Variants in ERICH6B observed in about 807,000 individuals in gnomAD.
ERICH6B encodes glutamate-rich protein 6B.
In ERICH6B, 69 loss-of-function variants were observed where a neutral mutation model predicts 80.0. That is an observed-to-expected ratio of 0.86 (90% CI 0.71 to 1.05). The LOEUF is 1.05. Among genes scored for constraint, ERICH6B ranks in the 50% least tolerant of loss-of-function variants. ERICH6B has a pLI of 0.00. For missense variants in ERICH6B, 754 were observed against 796.1 expected (o/e 0.95, Z 0.64); for synonymous variants, 283 against 291.9 (o/e 0.97, Z 0.31).
intron 2 of ERICH6B, among the ~76,000 whole-genome samples, chr13:45,601,278 T>C (rs546052622): frequency 6.6e-6 from 1 of 152,292 alleles, no homozygotes; most frequent in African/African-American, 2.4e-5. Context: ...CTGTGGGGCA[T>C]GGTGGTGCGC....
chr13:45,593,384 C>T (rs1876233681), intron 3 of ERICH6B, among the ~76,000 whole-genome samples: 1 of 152,106 alleles, frequency 6.6e-6, no homozygotes, highest in Admixed American at 6.6e-5. Flanking sequence ...AGGCACAAGT[C>T]AATGGCAAGG....
intron 8 of ERICH6B, among the ~76,000 whole-genome samples, chr13:45,571,452 G>T (rs890111882): frequency 1.3e-5 from 2 of 152,058 alleles, no homozygotes; most frequent in African/African-American, 4.8e-5. Context: ...CTAGGCTCAT[G>T]TGTAAACACC....
At chr13:45,599,155 G>T (rs993961145) in intron 2 of ERICH6B, among the ~76,000 whole-genome samples, 21 of 152,186 alleles carry the variant, frequency 1.4e-4, no homozygotes, top group African/African-American at 5.1e-4. Flanking sequence ...ATGTAAATCT[G>T]GGAAATAATT....
Position 45,544,248 on chromosome 13 carries a change from T to G in ERICH6B, c.1872+512A>C, listed in dbSNP as rs373721290. On this transcript the variant is annotated intron_variant, in intron 14 of 14. Coordinates refer to ENST00000298738, the MANE Select transcript of ERICH6B (RefSeq NM_182542.3). ...CCACTGGGATCAGCTAAATTTTTTG[T>G]ATTTTTAGAAGAGACGGGGTTTGAC... Among the ~76,000 whole-genome samples, 1,257 of 152,256 alleles carry G rather than the reference T, an allele frequency of 8.3e-3. 18 individuals carry two copies. The highest frequency in any genetic ancestry group is 0.028 in the African/African-American group (1,166 of 41,532).
Position 45,544,908 on chromosome 13 carries a change from T to C in ERICH6B, c.1724A>G (p.Asn575Ser), listed in dbSNP as rs752935669. ...RQKAWNWWNL[N>S]IHVHAPPVQP... The stretch of plus-strand genomic sequence containing the variant: ...GACAGGGGGTGCGTGGACATGGATG[T>C]TCAGATTCCACCAGTTCCAGGCCTT... Residue 575 changes from asparagine (N) to serine (S), a missense_variant, in exon 14 of 15, where the codon AAC becomes AGC. By Grantham distance (46) the Asn-to-Ser change is conservative. Coordinates refer to ENST00000298738, the MANE Select transcript of ERICH6B (RefSeq NM_182542.3). 9 of 1,551,732 alleles carry C rather than the reference T, an allele frequency of 5.8e-6. 1 individual carries two copies. The South Asian group carries it at 1.1e-4, about 18-fold the overall frequency.
intron 2 of ERICH6B, among the ~76,000 whole-genome samples, chr13:45,600,331 C>T (rs763829377): frequency 2.0e-5 from 3 of 152,148 alleles, no homozygotes; most frequent in Non-Finnish European, 2.9e-5. Context: ...CATCTGTGCA[C>T]TTCCTTGTAA....
At chr13:45,570,028 T>C (rs1219853577) in intron 8 of ERICH6B, among the ~76,000 whole-genome samples, 2 of 152,250 alleles carry the variant, frequency 1.3e-5, no homozygotes, top group Non-Finnish European at 2.9e-5. Context: ...TGTTGTGGTC[T>C]GCTGGATGGC....
intron 4 of ERICH6B, among the ~76,000 whole-genome samples, chr13:45,589,741 T>G (rs1876078497): frequency 6.6e-6 from 1 of 152,342 alleles, no homozygotes; most frequent in African/African-American, 2.4e-5. Flanking sequence ...TCTGGGCACA[T>G]TGCTTCACTT....
intron 1 of ERICH6B, among the ~76,000 whole-genome samples, chr13:45,614,215 TA>T (rs1197750140): frequency 6.6e-6 from 1 of 152,184 alleles, no homozygotes; most frequent in Non-Finnish European, 1.5e-5. Flanking sequence ...TGAATTTCCT[TA>T]TCACTTTATA....
At chr13:45,550,138 C>T (rs1593773420) in intron 12 of ERICH6B, 93 bp from the exon 13 acceptor site, 1 of 1,532,232 alleles carries the variant, frequency 6.5e-7, no homozygotes, top group Non-Finnish European at 8.8e-7. Context: ...TCAAACCCCA[C>T]ACCTCAGTCA....
chr13:45,562,164 G>T (rs964525415), intron 10 of ERICH6B, among the ~76,000 whole-genome samples: 6 of 152,192 alleles, frequency 3.9e-5, no homozygotes, highest in Non-Finnish European at 7.3e-5. Flanking sequence ...CTGGGTTCAA[G>T]CAATTCTTGT....
At chr13:45,610,591 G>A (rs897553033) in intron 1 of ERICH6B, among the ~76,000 whole-genome samples, 2 of 152,156 alleles carry the variant, frequency 1.3e-5, no homozygotes, top group Non-Finnish European at 2.9e-5. Flanking sequence ...ACATCACAGC[G>A]TGTGCTCACA....
chr13:45,590,643 TG>T lies in ERICH6B; in HGVS notation c.686+5del. The T allele has an allele frequency of 6.4e-7, 1 of 1,551,244 alleles. No individual in the cohort carries two copies. The highest frequency in any genetic ancestry group is 8.7e-7 in the Non-Finnish European group (1 of 1,146,806). ...CACCTGATTTATCCCAAAAGAAAAC[TG>T]TTACCTTGCATCACGAAGAAGCATG... On this transcript the variant is annotated splice_donor_5th_base_variant and intron_variant, in intron 4 of 14. Coordinates refer to ENST00000298738, the MANE Select transcript of ERICH6B (RefSeq NM_182542.3).
chr13:45,564,987 G>A (rs552057629), intron 9 of ERICH6B, among the ~76,000 whole-genome samples: 2 of 152,320 alleles, frequency 1.3e-5, no homozygotes, highest in East Asian at 3.9e-4. Context: ...TGTATCCCTA[G>A]AGCCTAAATT....
At chr13:45,587,829 A>T (rs1047625173) in intron 4 of ERICH6B, among the ~76,000 whole-genome samples, 2 of 152,172 alleles carry the variant, frequency 1.3e-5, no homozygotes, top group Non-Finnish European at 2.9e-5. Flanking sequence ...CTGGCTTTTA[A>T]CTAGGGGCAA....
chr13:45,558,413 T>G (rs1182801716), intron 11 of ERICH6B, among the ~76,000 whole-genome samples: 1 of 152,200 alleles, frequency 6.6e-6, no homozygotes, highest in Non-Finnish European at 1.5e-5. Flanking sequence ...CTTCACCAAT[T>G]TGGATGCCCT....
At chr13:45,558,911 T>C (rs1874550367) in intron 11 of ERICH6B, among the ~76,000 whole-genome samples, 2 of 152,204 alleles carry the variant, frequency 1.3e-5, no homozygotes, top group African/African-American at 4.8e-5. Context: ...AGTATGTCCT[T>C]TCCTGGTTTT....
At position 45,596,354 on chromosome 13, in the gene ERICH6B, C is replaced by G; in HGVS notation, c.637+15G>C. 2 of 1,542,954 alleles carry G rather than the reference C, an allele frequency of 1.3e-6. No individual in the cohort carries two copies. Among genetic ancestry groups the G allele is most frequent in the Middle Eastern group, 3.4e-4 (2 of 5,946 alleles). On this transcript the variant is annotated intron_variant, in intron 3 of 14. Transcript: ENST00000298738. ...TTTTCCTCCCATAGATGCTCTCCCTCCTCCAGATACTCACCTTTCAGATAC... is the reference window on the plus strand; with the variant it reads ...TTTTCCTCCCATAGATGCTCTCCCTGCTCCAGATACTCACCTTTCAGATAC...
In ERICH6B at chr13:45,561,473, T is replaced by A. The variant is rs141402889; in HGVS notation, c.1303A>T (p.Thr435Ser). 286 of 1,552,120 alleles carry A rather than the reference T, an allele frequency of 1.8e-4. No homozygotes were observed. Among genetic ancestry groups the A allele is most frequent in the Non-Finnish European group, 2.4e-4 (281 of 1,147,094 alleles). ...TCTTCTGTCTCAGGCTTCTCAGGTG[T>A]TGGTTTGCTCATTAAATGAAATGTG... ...SFTFHLMSKP[T>S]PEKPETEEIQ... The change falls in exon 11 of 15, where the codon ACA (threonine) becomes TCA (serine). Residue 435 changes from threonine to serine, a missense_variant. Transcript: ENST00000298738.
Sources: allele counts gnomAD v4.1 joint callset (sites outside exome capture counted in the v4.1 genomes callset), GRCh38; gene constraint gnomAD v4.1.1; transcripts MANE v1.5; gene names NCBI Gene and HGNC (gene_info 2026-07-23, HGNC 2026-07-21).